The following KIF5C variants were observed in gnomAD, a reference collection of about 807,000 sequenced individuals.
The protein encoded by KIF5C is kinesin family member 5C.
In KIF5C, 18 loss-of-function variants were observed where a neutral mutation model predicts 125.2. The observed-to-expected ratio is 0.14, with a 90% CI of 0.10 to 0.21. The LOEUF is 0.21. Among genes scored for constraint, KIF5C ranks in the 10% least tolerant of loss-of-function variants. The pLI, the probability that KIF5C is intolerant of heterozygous loss-of-function variation, is 1.00. For synonymous variants in KIF5C, 405 were observed against 434.0 expected (o/e 0.93, Z 0.83); for missense variants, 780 against 1,183.8 (o/e 0.66, Z 5.01).
At chr2:148,971,300 C>A (rs927693168) in intron 11 of KIF5C, among the ~76,000 whole-genome samples, 126 of 135,358 alleles carry the variant, frequency 9.3e-4, no homozygotes, top group Admixed American at 1.2e-3. Flanking sequence ...GTCTATCTAT[C>A]TATCTATCTA....
At chr2:148,908,814 T>C (rs1319327185) in intron 1 of KIF5C, among the ~76,000 whole-genome samples, 1 of 152,248 alleles carries the variant, frequency 6.6e-6, no homozygotes, top group East Asian at 1.9e-4. Context: ...AAGAGTTACT[T>C]TCTATGAGAC....
intron 11 of KIF5C, among the ~76,000 whole-genome samples, chr2:148,971,202 A>G (rs1307650473): frequency 6.6e-6 from 1 of 152,090 alleles, no homozygotes; most frequent in Non-Finnish European, 1.5e-5. Context: ...TTTTAGTTGT[A>G]TACTCCACAT....
chr2:148,919,511 C>T (rs1164014934), intron 1 of KIF5C, among the ~76,000 whole-genome samples: 2 of 152,160 alleles, frequency 1.3e-5, no homozygotes, highest in African/African-American at 2.4e-5. Flanking sequence ...AACCTTTAGC[C>T]ATGGTGGAAT....
rs190763366 is a variant in KIF5C, at chr2:149,000,261, C to T, written c.2211-162C>T. Reference sequence around the variant, plus strand: ...CCAGAAATTAGTTTTCACTTGGGCACGGAGGAAGCTGTGAGGCTGTTCTGT... The same window carrying T: ...CCAGAAATTAGTTTTCACTTGGGCATGGAGGAAGCTGTGAGGCTGTTCTGT... On this transcript the variant is annotated intron_variant, in intron 19 of 25. Transcript: ENST00000435030. 1.6e-4 allele frequency: 124 copies of T among 757,922 alleles called. No homozygotes were observed. The East Asian group carries it at 2.1e-3, about 13-fold the overall frequency. The allele number at this position is 757,922 out of a possible 1,614,324, so 46.9% of individuals were successfully genotyped here.
intron 1 of KIF5C, among the ~76,000 whole-genome samples, chr2:148,895,230 C>A (rs1380340398): frequency 6.6e-6 from 1 of 152,062 alleles, no homozygotes; most frequent in Non-Finnish European, 1.5e-5. Context: ...CTCCGCCTCC[C>A]GGGTTCAAGC....
chr2:148,984,913 GCCGAGT>G (rs1238852671), intron 15 of KIF5C, among the ~76,000 whole-genome samples: 1 of 152,070 alleles, frequency 6.6e-6, no homozygotes, highest in African/African-American at 2.4e-5. Flanking sequence ...GCCTCAGTCT[GCCGAGT>G]AGCTGGGATT....
In KIF5C at chr2:148,876,535, C is replaced by A. The variant is rs1681197869; in HGVS notation, c.126+792C>A. ...GGCGAGGGGGCTCAGAGCGCAGTAG[C>A]CCCCTGTGCCAAGAGCAGAAGTTAC... On this transcript the variant is annotated intron_variant, in intron 1 of 25. Transcript: ENST00000435030. This position sits in a 1 kb window ranked among gnomAD's most constrained non-coding sequence, Gnocchi z 4.7. 6.6e-6 allele frequency among the ~76,000 whole-genome samples: 1 copy of A among 152,150 alleles called. No individual in the cohort carries two copies. The highest frequency in any genetic ancestry group is 1.5e-5 in the Non-Finnish European group (1 of 68,008).
intron 1 of KIF5C, among the ~76,000 whole-genome samples, chr2:148,896,146 G>A (rs915663229): frequency 2.6e-5 from 4 of 152,164 alleles, no homozygotes; most frequent in Admixed American, 2.6e-4. Context: ...TGAGAACTCA[G>A]ACCCATCCTC....
At chr2:148,986,915 A>T (rs1211133960) in intron 15 of KIF5C, among the ~76,000 whole-genome samples, 2 of 152,216 alleles carry the variant, frequency 1.3e-5, no homozygotes, top group Non-Finnish European at 2.9e-5. Flanking sequence ...GATGAGCCCA[A>T]TGTTAACTTT....
chr2:148,986,206 T>C (rs566960560), intron 15 of KIF5C, among the ~76,000 whole-genome samples: 1 of 152,274 alleles, frequency 6.6e-6, no homozygotes, highest in Non-Finnish European at 1.5e-5. Context: ...TGCTTCAGTA[T>C]TGAAAAAAGA....
intron 2 of KIF5C, among the ~76,000 whole-genome samples, chr2:148,925,073 C>G (rs1186869796): frequency 1.3e-5 from 2 of 152,082 alleles, no homozygotes; most frequent in Non-Finnish European, 2.9e-5. Context: ...AAGAATGTCA[C>G]TTGTATTGAT....
At chr2:148,911,674 T>C (rs1030588112) in intron 1 of KIF5C, among the ~76,000 whole-genome samples, 8 of 152,034 alleles carry the variant, frequency 5.3e-5, no homozygotes, top group East Asian at 1.9e-4. Flanking sequence ...ATGCTTTACA[T>C]TGAAAGAAAG....
intron 16 of KIF5C, among the ~76,000 whole-genome samples, chr2:148,991,615 T>C (rs1681528443): frequency 6.6e-6 from 1 of 152,186 alleles, no homozygotes; most frequent in African/African-American, 2.4e-5. Flanking sequence ...GAGTGTTTAC[T>C]ATGTACCATA....
Position 148,932,558 on chromosome 2 carries a change from A to C in KIF5C, c.291+3204A>C, listed in dbSNP as rs1334800302. 2.6e-5 allele frequency among the ~76,000 whole-genome samples: 4 copies of C among 152,242 alleles called. No homozygotes were observed. In the East Asian group the frequency reaches 7.7e-4, roughly 29 times the overall value. ...CGCTGGGGAGGACACAGGGGGTTCCAGCTCCAGCTGAGGAAAAAGAGACTG... is the reference window on the plus strand; with the variant it reads ...CGCTGGGGAGGACACAGGGGGTTCCCGCTCCAGCTGAGGAAAAAGAGACTG... On this transcript the variant is annotated intron_variant, in intron 3 of 25. Coordinates refer to ENST00000435030, the MANE Select transcript of KIF5C (RefSeq NM_004522.3).
At chr2:148,882,894 G>A (rs186573326) in intron 1 of KIF5C, among the ~76,000 whole-genome samples, 2 of 152,250 alleles carry the variant, frequency 1.3e-5, no homozygotes, top group Non-Finnish European at 2.9e-5. Flanking sequence ...AGGAAATTGT[G>A]TCCCATTTAT....
chr2:148,946,858 T>C lies in KIF5C; in HGVS notation c.590-41T>C, dbSNP rs369835614. 76 of 1,604,048 alleles carry C rather than the reference T, an allele frequency of 4.7e-5. 2 individuals carry two copies. In the Middle Eastern group the frequency reaches 6.8e-3, roughly 143 times the overall value. ...AAATGAGAGGATTGCTACCTAAACC[T>C]ACATGTTCTTTGTAGAGCAGTAAAC... On this transcript the variant is annotated intron_variant, in intron 7 of 25. Transcript: ENST00000435030.
At chr2:148,972,748 G>A (rs1680951852) in intron 11 of KIF5C, among the ~76,000 whole-genome samples, 1 of 152,186 alleles carries the variant, frequency 6.6e-6, no homozygotes, top group African/African-American at 2.4e-5. Context: ...TGGCTTCCTG[G>A]AGGAGACAGT....
intron 20 of KIF5C, 68 bp from the exon 21 acceptor site, chr2:149,000,654 A>G: frequency 6.3e-7 from 1 of 1,598,298 alleles, no homozygotes; most frequent in Non-Finnish European, 8.5e-7. Context: ...TTATCTGTGG[A>G]TGCAAATAGT....
intron 10 of KIF5C, 136 bp from the exon 11 acceptor site, chr2:148,961,835 T>A: frequency 8.1e-7 from 1 of 1,241,790 alleles, no homozygotes; most frequent in Non-Finnish European, 1.1e-6. Flanking sequence ...ATTAGGAGGA[T>A]GGTTGGTGAA....
Sources: gnomAD v4.1 joint callset for allele counts (sites outside exome capture counted in the v4.1 genomes callset) on GRCh38, gnomAD v4.1.1 for gene constraint, Gnocchi (gnomAD v3.1) non-coding constraint, MANE v1.5 for transcripts, NCBI Gene and HGNC (gene_info 2026-07-23, HGNC 2026-07-21) for gene names.